Variants in PTK2 observed in about 807,000 individuals in gnomAD.
PTK2 encodes protein tyrosine kinase 2.
In PTK2, 45 loss-of-function variants were observed where a neutral mutation model predicts 150.1. That is an observed-to-expected ratio of 0.30 (90% CI 0.24 to 0.38). The LOEUF is 0.38. Among genes scored for constraint, PTK2 ranks in the 10% least tolerant of loss-of-function variants. PTK2 has a pLI of 1.00. For synonymous variants in PTK2, 432 were observed against 449.2 expected, an observed-to-expected ratio of 0.96 and a Z score of 0.48; for missense variants, 919 against 1,307.3, an observed-to-expected ratio of 0.70 and a Z score of 4.58.
At chr8:140,747,700 G>A (rs2100060098) in intron 17 of PTK2, among the ~76,000 whole-genome samples, 1 of 88,504 alleles carries the variant, frequency 1.1e-5, no homozygotes, top group South Asian at 6.3e-4. Flanking sequence ...GGAGGAGGGA[G>A]GAGGAGGGGG....
At chr8:140,705,545 G>A (rs981599197) in intron 24 of PTK2, among the ~76,000 whole-genome samples, 2 of 152,184 alleles carry the variant, frequency 1.3e-5, no homozygotes, top group Non-Finnish European at 2.9e-5. Context: ...GTGAGGATGG[G>A]ATGCACTGGG....
At chr8:140,766,518 G>C (rs1463097843) in intron 14 of PTK2, among the ~76,000 whole-genome samples, 1 of 152,122 alleles carries the variant, frequency 6.6e-6, no homozygotes, top group Admixed American at 6.6e-5. Flanking sequence ...TGTTTCCTGT[G>C]AACTGTATGC....
chr8:140,890,858 ACT>A (rs2100153995), intron 2 of PTK2, 89 bp from the exon 3 acceptor site: 12 of 1,119,478 alleles, frequency 1.1e-5, no homozygotes, highest in Non-Finnish European at 1.6e-5. Context: ...AATGTCCTAT[ACT>A]CTCTCTTGAT....
intron 14 of PTK2, among the ~76,000 whole-genome samples, chr8:140,779,284 T>C (rs2100080327): frequency 6.7e-6 from 1 of 149,636 alleles, no homozygotes; most frequent in African/African-American, 2.5e-5. Flanking sequence ...GAAGACATGC[T>C]GGAGGAATTG....
intron 20 of PTK2, among the ~76,000 whole-genome samples, chr8:140,742,478 C>A (rs944013139): frequency 6.6e-6 from 1 of 152,182 alleles, no homozygotes; most frequent in Admixed American, 6.5e-5. Flanking sequence ...ATGCCTCTAC[C>A]ATTTTACATT....
exon 10 of PTK2, chr8:140,818,334 C>T: frequency 1.2e-6 from 2 of 1,613,930 alleles, no homozygotes; most frequent in Non-Finnish European, 1.7e-6. Flanking sequence ...TTGCCAGTTC[C>T]ACTGAAATAA....
rs751044509 is a variant in PTK2 at position 140,702,596 on chromosome 8, T to C, written c.2341A>G (p.Ile781Val). The C allele has an allele frequency of 5.6e-6, 9 of 1,613,302 alleles. No homozygotes were observed. The South Asian group carries it at 8.8e-5, about 16-fold the overall frequency. ...TCCACATTGGGCTGCCACATTGCTA[T>C]CTCCTGAGGTCTATGATTCCATGAA... Residue 781 changes from isoleucine to valine, a missense_variant, in exon 25 of 32, where the codon ATA becomes GTA. Ile to Val is a conservative substitution (Grantham distance 29, BLOSUM62 3). Coordinates refer to ENST00000522684, the Ensembl canonical transcript of PTK2.
intron 1 of PTK2, among the ~76,000 whole-genome samples, chr8:140,998,868 T>C (rs1047911054): frequency 6.6e-6 from 1 of 151,104 alleles, no homozygotes; most frequent in Admixed American, 6.6e-5. Flanking sequence ...TCCAACTCCC[T>C]AGAAAGAACA....
At chr8:140,959,399 C>T (rs1316553015) in intron 1 of PTK2, among the ~76,000 whole-genome samples, 2 of 151,238 alleles carry the variant, frequency 1.3e-5, no homozygotes, top group Admixed American at 6.6e-5. Flanking sequence ...ATTAGCCACG[C>T]ATGGTGGCGG....
intron 14 of PTK2, among the ~76,000 whole-genome samples, chr8:140,784,674 TGTAC>T (rs920804877): frequency 1.3e-5 from 2 of 152,144 alleles, no homozygotes; most frequent in Admixed American, 6.5e-5. Context: ...TGTTCCAAGT[TGTAC>T]CCGAGCTCCA....
chr8:140,889,629 T>TAA (rs78252054), intron 3 of PTK2, among the ~76,000 whole-genome samples: 1,913 of 138,400 alleles, frequency 0.014, 25 homozygotes, highest in Non-Finnish European at 0.023. Context: ...TTACTTATTG[T>TAA]AAAAAAAAAA....
In PTK2 at chr8:140,674,298, C is replaced by CT; in HGVS notation, c.2708dup (p.Leu904AlafsTer19). On this transcript the variant is annotated frameshift_variant and splice_region_variant, in exon 29 of 32. Coordinates refer to ENST00000522684, the Ensembl canonical transcript of PTK2. LOFTEE classifies it high-confidence loss of function. ...GTGCTGCACAGGCTCAGATGCCCACCTTGACACCCTCGTTGTAGCTGTCAG... is the reference window on the plus strand; with the variant it reads ...GTGCTGCACAGGCTCAGATGCCCACCTTTGACACCCTCGTTGTAGCTGTCAG... 1 of 1,601,676 alleles carries CT rather than the reference C, an allele frequency of 6.2e-7. No individual in the cohort carries two copies. The highest frequency in any genetic ancestry group is 8.5e-7 in the Non-Finnish European group (1 of 1,174,368).
chr8:140,890,858 A>ACT, intron 2 of PTK2, 89 bp from the exon 3 acceptor site: 1 of 1,119,594 alleles, frequency 8.9e-7, no homozygotes, highest in Non-Finnish European at 1.3e-6. Flanking sequence ...AATGTCCTAT[A>ACT]CTCTCTCTTG....
At chr8:140,968,807 CA>C (rs1431107095) in intron 1 of PTK2, among the ~76,000 whole-genome samples, 1 of 152,038 alleles carries the variant, frequency 6.6e-6, no homozygotes, top group Non-Finnish European at 1.5e-5. Context: ...AGAAAAACAC[CA>C]AAAGAAACTA....
At chr8:140,973,128 C>T (rs2100187970) in intron 1 of PTK2, among the ~76,000 whole-genome samples, 1 of 152,130 alleles carries the variant, frequency 6.6e-6, no homozygotes, top group Admixed American at 6.5e-5. Flanking sequence ...CTTGAACTCC[C>T]TAGTAATGAC....
At chr8:140,691,143 C>T (rs1376903519) in intron 26 of PTK2, among the ~76,000 whole-genome samples, 1 of 151,278 alleles carries the variant, frequency 6.6e-6, no homozygotes, top group Non-Finnish European at 1.5e-5. Context: ...TGACTAAGTC[C>T]CTGATTATTT....
chr8:140,682,054 T>A (rs1037963296), intron 27 of PTK2, among the ~76,000 whole-genome samples: 5 of 152,228 alleles, frequency 3.3e-5, no homozygotes, highest in African/African-American at 1.2e-4. Context: ...CTCCCCCTGC[T>A]ACATCCAGAA....
chr8:140,786,590 T>C (rs2100085089), intron 14 of PTK2, among the ~76,000 whole-genome samples: 1 of 151,620 alleles, frequency 6.6e-6, no homozygotes, highest in African/African-American at 2.4e-5. Context: ...AATGTCAGGA[T>C]GACAGAAGGA....
intron 14 of PTK2, among the ~76,000 whole-genome samples, chr8:140,767,207 C>T (rs1315448737): frequency 6.6e-6 from 1 of 151,540 alleles, no homozygotes; most frequent in Admixed American, 6.6e-5. Flanking sequence ...TATCATGTTG[C>T]ATACATTTCA....
Sources: allele counts gnomAD v4.1 joint callset (sites outside exome capture counted in the v4.1 genomes callset), GRCh38; gene constraint gnomAD v4.1.1; transcripts MANE v1.5; gene names NCBI Gene and HGNC (gene_info 2026-07-23, HGNC 2026-07-21).